The following BTBD2 variants were observed in gnomAD, a reference collection of about 807,000 sequenced individuals.
BTBD2 encodes BTB/POZ domain-containing protein 2.
In BTBD2, 15 loss-of-function variants were observed where a neutral mutation model predicts 44.0. The ratio of observed to expected loss-of-function variants is 0.34; its 90% confidence interval spans 0.23 to 0.53. The LOEUF (loss-of-function observed/expected upper bound fraction) is 0.53. BTBD2 is among the 20% of genes least tolerant of loss of function. The pLI is 0.95. For missense variants in BTBD2, 657 were observed against 746.4 expected, an observed-to-expected ratio of 0.88 and a Z score of 1.39; for synonymous variants, 443 against 335.9, an observed-to-expected ratio of 1.32 and a Z score of -3.49.
intron 1 of BTBD2, among the ~76,000 whole-genome samples, chr19:2,011,862 CTTTTT>C (rs377533680): frequency 6.8e-6 from 1 of 147,988 alleles, no homozygotes; most frequent in African/African-American, 2.5e-5. Flanking sequence ...ATTTTTTTTC[CTTTTT>C]TTTTTGAGAC....
At chr19:1,989,953 C>A in intron 5 of BTBD2, 51 bp downstream of exon 5, 2 of 1,598,524 alleles carry the variant, frequency 1.3e-6, no homozygotes, top group Non-Finnish European at 8.5e-7. Flanking sequence ...CAGATGCCCA[C>A]CTGTGTGCCA....
chr19:1,992,495 C>T (rs1399335568), intron 3 of BTBD2, among the ~76,000 whole-genome samples: 1 of 152,154 alleles, frequency 6.6e-6, no homozygotes, highest in African/African-American at 2.4e-5. Context: ...CCTACTTGGC[C>T]TCCCAAAGTG....
At chr19:1,999,902 C>A (rs1474979876) in intron 1 of BTBD2, among the ~76,000 whole-genome samples, 3 of 147,376 alleles carry the variant, frequency 2.0e-5, no homozygotes, top group African/African-American at 7.6e-5. Context: ...GCGGAGGTTT[C>A]AGTGAGCCAA....
At chr19:1,986,801 C>T (rs984202778) in intron 8 of BTBD2, 29 bp downstream of exon 8, 13 of 1,585,480 alleles carry the variant, frequency 8.2e-6, no homozygotes, top group African/African-American at 2.7e-5. Context: ...GAGACTCCCA[C>T]GGAGGGACCC....
chr19:1,993,430 A>C (rs1470777988), intron 2 of BTBD2, among the ~76,000 whole-genome samples: 2 of 152,188 alleles, frequency 1.3e-5, no homozygotes, highest in African/African-American at 4.8e-5. Flanking sequence ...TACACAGCAC[A>C]CACCCGGAAG....
In BTBD2 at chr19:1,985,970, G is replaced by A. The variant is rs375869519; in HGVS notation, c.*518C>T. On this transcript the variant is annotated 3_prime_UTR_variant, in exon 9 of 9. Coordinates refer to ENST00000255608, the MANE Select transcript of BTBD2 (RefSeq NM_017797.4). ...GGGAACGCCCCGCAGGCTGGGCTTG[G>A]GTGGCCTCGGGCACGTGACAGGTGG... is the stretch of plus-strand genomic sequence containing the variant. The A allele has an allele frequency of 1.2e-3, 187 of 156,608 alleles. 2 individuals carry two copies. The highest frequency in any genetic ancestry group is 6.5e-3 in the Middle Eastern group (2 of 308). The allele number at this position is 156,608 out of a possible 1,614,324, so 9.7% of individuals were successfully genotyped here. A position where few individuals can be genotyped will look rare whatever the true frequency, so the allele number is the denominator to read the frequency against.
rs2016073667 is a variant in BTBD2, at chr19:1,985,993, T to A, written c.*495A>T. The A allele has an allele frequency of 6.4e-6, 1 of 155,806 alleles. No homozygotes were observed. Among genetic ancestry groups the A allele is most frequent in the East Asian group, 1.9e-4 (1 of 5,258 alleles). 9.7% of individuals were successfully genotyped at this position (155,806 alleles called of 1,614,324 possible). On this transcript the variant is annotated 3_prime_UTR_variant, in exon 9 of 9. Coordinates refer to ENST00000255608, the MANE Select transcript of BTBD2 (RefSeq NM_017797.4). The stretch of plus-strand genomic sequence containing the variant: ...TGGGTGGCCTCGGGCACGTGACAGG[T>A]GGGGCCCGTGTCCTGATAAACGGAC...
At chr19:1,999,844 C>T (rs2016304541) in intron 1 of BTBD2, among the ~76,000 whole-genome samples, 1 of 151,818 alleles carries the variant, frequency 6.6e-6, no homozygotes, top group Non-Finnish European at 1.5e-5. Context: ...TGCCTGTAAT[C>T]CCAGCTACTC....
intron 1 of BTBD2, chr19:2,013,521 G>A (rs2016493916): frequency 3.0e-6 from 3 of 986,664 alleles, no homozygotes; most frequent in Middle Eastern, 5.2e-4. Flanking sequence ...GGGGTGCAGG[G>A]GGTAGCAGGG....
chr19:2,010,424 G>T (rs1011810417), intron 1 of BTBD2, among the ~76,000 whole-genome samples: 3 of 152,058 alleles, frequency 2.0e-5, no homozygotes, highest in Non-Finnish European at 2.9e-5. Context: ...CACAAACGCC[G>T]ACCCCTGCGC....
intron 3 of BTBD2, chr19:1,991,123 C>T (rs1294592275): frequency 1.0e-5 from 3 of 298,204 alleles, no homozygotes; most frequent in South Asian, 3.5e-5. Context: ...GCAAAAGGGG[C>T]GTTGCAGCTG....
Position 1,986,197 on chromosome 19 carries a change from C to T in BTBD2, c.*291G>A, listed in dbSNP as rs1341134355. ...TGGGCAGGCGCCCTGAGCTGCGGGTCCGTGGGCCCTGGCCCAGGCCGGCAC... is the reference window on the plus strand; with the variant it reads ...TGGGCAGGCGCCCTGAGCTGCGGGTTCGTGGGCCCTGGCCCAGGCCGGCAC... On this transcript the variant is annotated 3_prime_UTR_variant, in exon 9 of 9. Transcript: ENST00000255608. 2.4e-6 allele frequency: 1 copy of T among 409,784 alleles called. No homozygotes were observed. Among genetic ancestry groups the T allele is most frequent in the Non-Finnish European group, 4.4e-6 (1 of 225,756 alleles). The allele number at this position is 409,784 out of a possible 1,614,324, so 25.4% of individuals were successfully genotyped here. A position where few individuals can be genotyped will look rare whatever the true frequency, so the allele number is the denominator to read the frequency against.
At chr19:1,998,071 GCA>G (rs978855687) in intron 1 of BTBD2, among the ~76,000 whole-genome samples, 5 of 137,366 alleles carry the variant, frequency 3.6e-5, no homozygotes, top group East Asian at 5.1e-4. Context: ...CTCATTCATC[GCA>G]CACTCATTCA....
chr19:1,993,907 G>T (rs777032716), intron 2 of BTBD2, among the ~76,000 whole-genome samples: 9 of 135,752 alleles, frequency 6.6e-5, no homozygotes, highest in Non-Finnish European at 4.6e-5. Context: ...TGAGGCAAGA[G>T]AATCGCTTGA....
At chr19:1,990,883 C>T in intron 3 of BTBD2, 61 bp from the exon 4 acceptor site, 1 of 1,437,526 alleles carries the variant, frequency 7.0e-7, no homozygotes, top group Non-Finnish European at 9.4e-7. Flanking sequence ...CTCGGCAGAT[C>T]CCCAGTGCGG....
At chr19:2,008,302 TC>T (rs2016420083) in intron 1 of BTBD2, among the ~76,000 whole-genome samples, 1 of 91,700 alleles carries the variant, frequency 1.1e-5, no homozygotes, top group African/African-American at 6.0e-5. Flanking sequence ...CTGCGCCCAC[TC>T]TTTTTTTTTT....
chr19:2,000,468 C>T (rs537646215), intron 1 of BTBD2, among the ~76,000 whole-genome samples: 3 of 152,322 alleles, frequency 2.0e-5, no homozygotes, highest in Admixed American at 6.5e-5. Context: ...CGGCGTGGGC[C>T]GTCCATGCAG....
chr19:1,990,683 T>A (rs1022316750), intron 4 of BTBD2, 34 bp downstream of exon 4: 4 of 1,553,578 alleles, frequency 2.6e-6, no homozygotes, highest in Admixed American at 1.9e-5. Flanking sequence ...GAGGCCCCGC[T>A]GGGATTCCCA....
chr19:1,986,779 C>A, intron 8 of BTBD2, 51 bp downstream of exon 8: 1 of 1,572,500 alleles, frequency 6.4e-7, no homozygotes, highest in South Asian at 1.2e-5. Flanking sequence ...CCGGTGGCTT[C>A]AGGATGGGCC....
Sources: gnomAD v4.1 joint callset for allele counts (sites outside exome capture counted in the v4.1 genomes callset) on GRCh38, gnomAD v4.1.1 for gene constraint, MANE v1.5 for transcripts, NCBI Gene and HGNC (gene_info 2026-07-23, HGNC 2026-07-21) for gene names.